The following PDE4B variants were observed in gnomAD, a reference collection of about 807,000 sequenced individuals.
The protein encoded by PDE4B is 3',5'-cyclic-AMP phosphodiesterase 4B.
Under a neutral mutation model 82.2 loss-of-function variants are expected in PDE4B, and 20 were observed. That is an observed-to-expected ratio of 0.24 (90% CI 0.17 to 0.35). The LOEUF is 0.35. PDE4B is among the 10% of genes least tolerant of loss of function. PDE4B has a pLI of 1.00. For synonymous variants in PDE4B, 320 were observed against 318.9 expected, an observed-to-expected ratio of 1.00 and a Z score of -0.04; for missense variants, 655 against 907.2, an observed-to-expected ratio of 0.72 and a Z score of 3.57.
At chr1:66,151,225 A>G (rs1646387390) in intron 3 of PDE4B, among the ~76,000 whole-genome samples, 1 of 152,188 alleles carries the variant, frequency 6.6e-6, no homozygotes, top group African/African-American at 2.4e-5. Flanking sequence ...AGAACAGTAA[A>G]ATGTAATAGA....
rs1011755326 is a variant in PDE4B, at chr1:66,157,128, G to A, written c.282-90332G>A. On this transcript the variant is annotated intron_variant, in intron 3 of 16. Transcript: ENST00000341517. Reference sequence around the variant, plus strand: ...TGTAATGCCAGTGCTCCCCTTCTCAGCAAGTGGTGCTAAATTCATGCACAG... The same window carrying A: ...TGTAATGCCAGTGCTCCCCTTCTCAACAAGTGGTGCTAAATTCATGCACAG... 1.3e-4 allele frequency among the ~76,000 whole-genome samples: 20 copies of A among 152,134 alleles called. 1 individual carries two copies. Among genetic ancestry groups the A allele is most frequent in the Non-Finnish European group, 2.9e-5 (2 of 68,028 alleles).
At chr1:66,018,927 T>G (rs1262072661) in intron 3 of PDE4B, among the ~76,000 whole-genome samples, 1 of 152,214 alleles carries the variant, frequency 6.6e-6, no homozygotes, top group Non-Finnish European at 1.5e-5. Context: ...ACCATAATTT[T>G]ATATTTTATA....
At chr1:66,227,699 T>A (rs895133784) in intron 3 of PDE4B, among the ~76,000 whole-genome samples, 3 of 152,230 alleles carry the variant, frequency 2.0e-5, no homozygotes, top group African/African-American at 7.2e-5. Flanking sequence ...CTGCATGGAC[T>A]ACCCCTGACT....
intron 8 of PDE4B, among the ~76,000 whole-genome samples, chr1:66,342,764 G>A (rs560781766): frequency 7.8e-4 from 112 of 143,864 alleles, no homozygotes; most frequent in African/African-American, 2.4e-3. Flanking sequence ...CTAAAATGAG[G>A]CCAGGCCAGT....
intron 1 of PDE4B, among the ~76,000 whole-genome samples, chr1:65,897,006 G>A (rs1251305343): frequency 6.6e-6 from 1 of 152,110 alleles, no homozygotes; most frequent in Non-Finnish European, 1.5e-5. Flanking sequence ...AACTGAAATG[G>A]TGGGATTGTG....
chr1:66,271,111 A>G (rs145097935), intron 7 of PDE4B, among the ~76,000 whole-genome samples: 82 of 152,376 alleles, frequency 5.4e-4, no homozygotes, highest in African/African-American at 1.9e-3. Context: ...CATATCTAAA[A>G]TTAAGTATTG....
At chr1:65,912,612 G>A (rs1385197963) in intron 1 of PDE4B, among the ~76,000 whole-genome samples, 2 of 152,124 alleles carry the variant, frequency 1.3e-5, no homozygotes. Flanking sequence ...TCTAACTACC[G>A]GTTGCTAGAA....
intron 3 of PDE4B, among the ~76,000 whole-genome samples, chr1:66,132,021 G>A (rs1286947958): frequency 6.6e-6 from 1 of 152,150 alleles, no homozygotes; most frequent in Non-Finnish European, 1.5e-5. Context: ...CAAGTGATGG[G>A]GAAGGTATAG....
chr1:65,804,512 C>G (rs1296471640), intron 1 of PDE4B, among the ~76,000 whole-genome samples: 1 of 152,120 alleles, frequency 6.6e-6, no homozygotes, highest in Non-Finnish European at 1.5e-5. Flanking sequence ...TAAATTCAGG[C>G]AAGTGTTTTG....
At chr1:66,022,702 G>T (rs958784656) in intron 3 of PDE4B, among the ~76,000 whole-genome samples, 1 of 152,098 alleles carries the variant, frequency 6.6e-6, no homozygotes. Context: ...TGCTGGATTC[G>T]GTTTGCCAGT....
At chr1:66,098,798 C>T (rs1645164826) in intron 3 of PDE4B, among the ~76,000 whole-genome samples, 1 of 152,098 alleles carries the variant, frequency 6.6e-6, no homozygotes, top group African/African-American at 2.4e-5. Flanking sequence ...TTTTCTTTAA[C>T]TCTCCCACAA....
At chr1:66,305,266 GGCAGAGGGAATA>G (rs1658187556) in intron 7 of PDE4B, among the ~76,000 whole-genome samples, 1 of 152,126 alleles carries the variant, frequency 6.6e-6, no homozygotes, top group Non-Finnish European at 1.5e-5. Flanking sequence ...AAGAACTGCA[GGCAGAGGGAATA>G]GCACAGTTTT....
In PDE4B at chr1:65,896,036, A is replaced by G. The variant is rs540906172; in HGVS notation, c.-70-17209A>G. ...AGATTTTCTGTAACCTTTGCATTCT[A>G]TATTTGAAGGATGTTGGTATTTGTT... On this transcript the variant is annotated intron_variant, in intron 1 of 16. Transcript: ENST00000341517. 2.0e-5 allele frequency among the ~76,000 whole-genome samples: 3 copies of G among 151,418 alleles called. No individual in the cohort carries two copies. In the East Asian group the frequency reaches 5.8e-4, roughly 29 times the overall value.
chr1:66,265,833 A>T (rs1282735283), intron 6 of PDE4B, among the ~76,000 whole-genome samples: 1 of 152,232 alleles, frequency 6.6e-6, no homozygotes, highest in Non-Finnish European at 1.5e-5. Context: ...GGACTTGCAG[A>T]GGGAAATTCC....
chr1:66,246,502 G>T (rs909844251), intron 3 of PDE4B, among the ~76,000 whole-genome samples: 1 of 152,208 alleles, frequency 6.6e-6, no homozygotes. Flanking sequence ...GAGAGTTCTG[G>T]AGAAATACTA....
At chr1:66,033,874 A>G (rs2503220) in intron 3 of PDE4B, among the ~76,000 whole-genome samples, 17,763 of 151,770 alleles carry the variant, frequency 0.12, 1,207 homozygotes, top group Admixed American at 0.19. Context: ...ATGGTTGATT[A>G]GCATTTCAAA....
rs550533692 is a variant in PDE4B at position 66,322,213 on chromosome 1, A to C, written c.635-10295A>C. On this transcript the variant is annotated intron_variant, in intron 7 of 16. Coordinates refer to ENST00000341517, the MANE Select transcript of PDE4B (RefSeq NM_002600.4). The stretch of plus-strand genomic sequence containing the variant: ...CTTAAATGTAAGATCTAACACCATA[A>C]AAACCCTAGAAGAAAACCTAGGCAT... 2.6e-5 allele frequency among the ~76,000 whole-genome samples: 4 copies of C among 152,356 alleles called. No individual in the cohort carries two copies. In the South Asian group the frequency reaches 8.3e-4, roughly 32 times the overall value.
At chr1:66,039,035 T>C (rs1408000629) in intron 3 of PDE4B, among the ~76,000 whole-genome samples, 1 of 152,110 alleles carries the variant, frequency 6.6e-6, no homozygotes, top group African/African-American at 2.4e-5. Flanking sequence ...ATTTGATTTC[T>C]ACCTCTTAGT....
chr1:66,116,144 A>C (rs1645589244), intron 3 of PDE4B, among the ~76,000 whole-genome samples: 1 of 152,224 alleles, frequency 6.6e-6, no homozygotes, highest in South Asian at 2.1e-4. Context: ...TGCTCATTAA[A>C]GTTGATGTTC....
Sources: gnomAD v4.1 joint callset for allele counts (sites outside exome capture counted in the v4.1 genomes callset) on GRCh38, gnomAD v4.1.1 for gene constraint, MANE v1.5 for transcripts, NCBI Gene and HGNC (gene_info 2026-07-23, HGNC 2026-07-21) for gene names.